Variants in GRM4 observed in about 807,000 individuals in gnomAD.
GRM4 encodes metabotropic glutamate receptor 4.
In GRM4, 28 loss-of-function variants were observed where a neutral mutation model predicts 81.7. That is an observed-to-expected ratio of 0.34 (90% CI 0.25 to 0.47). The LOEUF is 0.47. Among genes scored for constraint, GRM4 ranks in the 20% least tolerant of loss-of-function variants. The pLI is 1.00. For missense variants in GRM4, 948 were observed against 1,290.0 expected (o/e 0.73, Z 4.06); for synonymous variants, 488 against 528.8 (o/e 0.92, Z 1.06).
At chr6:34,143,489 G>T (rs943635837) in intron 1 of GRM4, among the ~76,000 whole-genome samples, 5 of 152,222 alleles carry the variant, frequency 3.3e-5, no homozygotes, top group Admixed American at 3.3e-4. Context: ...TCACACCCCA[G>T]AGTACCCAGA....
Position 34,035,018 on chromosome 6 carries a change from C to A in GRM4, c.2442+650G>T, listed in dbSNP as rs1254361992. Among the ~76,000 whole-genome samples, 1 of 152,198 alleles carries A rather than the reference C, an allele frequency of 6.6e-6. No homozygotes were observed. Among genetic ancestry groups the A allele is most frequent in the Non-Finnish European group, 1.5e-5 (1 of 68,050 alleles). ...AAGGGAAGGAAAGGCCCTCTGCCAGCCCCTAGCCTTTAGGCTTCCAGGGCA... is the reference window on the plus strand; with the variant it reads ...AAGGGAAGGAAAGGCCCTCTGCCAGACCCTAGCCTTTAGGCTTCCAGGGCA... On this transcript the variant is annotated intron_variant, in intron 9 of 10. Coordinates refer to ENST00000538487, the MANE Select transcript of GRM4 (RefSeq NM_000841.4). This position sits in a 1 kb window ranked among gnomAD's most constrained non-coding sequence, Gnocchi z 6.6.
chr6:34,099,005 T>C (rs1768690676), intron 2 of GRM4, among the ~76,000 whole-genome samples: 1 of 147,728 alleles, frequency 6.8e-6, no homozygotes, highest in East Asian at 2.1e-4. Context: ...ACAGAGCACC[T>C]GAGCACCCCT....
chr6:34,063,828 C>T (rs1461408766), intron 3 of GRM4, among the ~76,000 whole-genome samples: 2 of 152,136 alleles, frequency 1.3e-5, no homozygotes, highest in African/African-American at 2.4e-5. Flanking sequence ...TGCGACATTC[C>T]TCCCCCCATC....
chr6:34,115,771 C>A lies in GRM4; in HGVS notation c.519+17207G>T, dbSNP rs1003486201. On this transcript the variant is annotated intron_variant, in intron 2 of 10. Coordinates refer to ENST00000538487, the MANE Select transcript of GRM4 (RefSeq NM_000841.4). This position sits in a 1 kb window ranked among gnomAD's most constrained non-coding sequence, Gnocchi z 4.1. ...GGAGTTCGAGGTTCTCACCCCAGCT[C>A]TTCAGGCTCCAGGAGAAACTGCGGA... 1.3e-4 allele frequency among the ~76,000 whole-genome samples: 20 copies of A among 152,184 alleles called. No individual in the cohort carries two copies. The highest frequency in any genetic ancestry group is 4.8e-4 in the African/African-American group (20 of 41,436).
chr6:34,141,689 G>T (rs1770697188), intron 1 of GRM4, among the ~76,000 whole-genome samples: 1 of 151,976 alleles, frequency 6.6e-6, no homozygotes, highest in African/African-American at 2.4e-5. Flanking sequence ...GAGGGGCGGG[G>T]GTGGGCAGGG....
At position 34,048,534 on chromosome 6, in the gene GRM4, C is replaced by A. The variant is rs1765463033; in HGVS notation, c.1169-7786G>T. Among the ~76,000 whole-genome samples the A allele has an allele frequency of 6.6e-6, 1 of 152,168 alleles. No homozygotes were observed. Among genetic ancestry groups the A allele is most frequent in the Non-Finnish European group, 1.5e-5 (1 of 68,024 alleles). ...CCGCCCCTGCTAACAACTCCCAACG[C>A]AGACATCCCTCTCCCCCATTATTCA... On this transcript the variant is annotated intron_variant, in intron 6 of 10. Coordinates refer to ENST00000538487, the MANE Select transcript of GRM4 (RefSeq NM_000841.4). The surrounding 1 kb of genome is among the most constrained non-coding windows in gnomAD (Gnocchi z 4.0).
intron 2 of GRM4, among the ~76,000 whole-genome samples, chr6:34,110,163 G>A (rs1769306121): frequency 6.6e-6 from 1 of 152,122 alleles, no homozygotes; most frequent in Non-Finnish European, 1.5e-5. Context: ...GCATGGCGGT[G>A]CACAACTATA....
intron 6 of GRM4, among the ~76,000 whole-genome samples, chr6:34,052,067 C>T (rs1191327976): frequency 6.6e-6 from 1 of 152,212 alleles, no homozygotes; most frequent in South Asian, 2.1e-4. Flanking sequence ...CCAGCATGTG[C>T]CACCCTTCTG....
At chr6:34,079,018 A>G (rs1020938701) in intron 3 of GRM4, among the ~76,000 whole-genome samples, 1 of 152,168 alleles carries the variant, frequency 6.6e-6, no homozygotes, top group Admixed American at 6.5e-5. Context: ...TCCAGCTCTC[A>G]CTAGGCCTTT....
At chr6:34,148,986 T>C (rs1312562733), upstream of GRM4, among the ~76,000 whole-genome samples, 2 of 152,150 alleles carry the variant, frequency 1.3e-5, no homozygotes, top group Non-Finnish European at 2.9e-5. Flanking sequence ...CAGGGAGTTC[T>C]AGAGAAAATA....
chr6:34,113,351 T>C (rs1769463459), intron 2 of GRM4, among the ~76,000 whole-genome samples: 1 of 151,914 alleles, frequency 6.6e-6, no homozygotes. Flanking sequence ...GGGGTCTCAC[T>C]ATGTTGCCCA....
chr6:34,141,715 G>C (rs966584015), intron 1 of GRM4, among the ~76,000 whole-genome samples: 4 of 152,166 alleles, frequency 2.6e-5, no homozygotes, highest in Admixed American at 2.6e-4. Flanking sequence ...GGGTGGGCTG[G>C]CTGCTAGCTA....
At chr6:34,057,314 C>G (rs1286208378) in intron 5 of GRM4, among the ~76,000 whole-genome samples, 1 of 152,202 alleles carries the variant, frequency 6.6e-6, no homozygotes, top group Non-Finnish European at 1.5e-5. Context: ...GTTCTAGGCA[C>G]TGTGGACTGA....
chr6:34,125,421 C>T (rs1052028632), intron 2 of GRM4, among the ~76,000 whole-genome samples: 4 of 152,034 alleles, frequency 2.6e-5, no homozygotes, highest in Non-Finnish European at 5.9e-5. Flanking sequence ...ACCAAGGACT[C>T]GAGGCATCTG....
chr6:34,125,177 G>A (rs1384885465), intron 2 of GRM4, among the ~76,000 whole-genome samples: 4 of 152,148 alleles, frequency 2.6e-5, no homozygotes, highest in Non-Finnish European at 5.9e-5. Context: ...GTTTCACCGT[G>A]TTCACCAGGA....
rs1257216322 is a variant in GRM4, at chr6:34,114,968, T to C, written c.519+18010A>G. Among the ~76,000 whole-genome samples the C allele has an allele frequency of 1.3e-5, 2 of 152,134 alleles. No homozygotes were observed. The highest frequency in any genetic ancestry group is 2.4e-5 in the African/African-American group (1 of 41,434). ...TTCAAAACACAGCCCAGGAAGCATG[T>C]CCATTAAGAGAAGCCTTTCCTCCAG... On this transcript the variant is annotated intron_variant, in intron 2 of 10. Transcript: ENST00000538487. The surrounding 1 kb of genome is among the most constrained non-coding windows in gnomAD (Gnocchi z 4.3).
At chr6:34,148,388 A>G (rs1045284241), upstream of GRM4, among the ~76,000 whole-genome samples, 1 of 23,580 alleles carries the variant, frequency 4.2e-5, no homozygotes, top group African/African-American at 1.7e-4. Context: ...TCACACACAC[A>G]CACACAGAGA....
At chr6:34,038,010 G>T (rs969958792) in intron 8 of GRM4, among the ~76,000 whole-genome samples, 3 of 152,340 alleles carry the variant, frequency 2.0e-5, no homozygotes, top group African/African-American at 7.2e-5. Flanking sequence ...AAGCCAAAGC[G>T]CACAGAGCAA....
At chr6:34,065,201 CCCTGTGCATTCCAGG>C (rs377263037) in intron 3 of GRM4, among the ~76,000 whole-genome samples, 63 of 152,268 alleles carry the variant, frequency 4.1e-4, no homozygotes, top group African/African-American at 1.4e-3. Context: ...CCACAGCCCA[CCCTGTGCATTCCAGG>C]CCACGCTGCT....
Sources: gnomAD v4.1 joint callset for allele counts (sites outside exome capture counted in the v4.1 genomes callset) on GRCh38, gnomAD v4.1.1 for gene constraint, Gnocchi (gnomAD v3.1) non-coding constraint, MANE v1.5 for transcripts, NCBI Gene and HGNC (gene_info 2026-07-23, HGNC 2026-07-21) for gene names.